METTL5: variants seen among roughly 807,000 people sequenced by gnomAD.
The protein encoded by METTL5 is rRNA N(6)-adenosine-methyltransferase METTL5.
Under a neutral mutation model 26.5 loss-of-function variants are expected in METTL5, and 28 were observed. The observed-to-expected ratio is 1.06, with a 90% CI of 0.78 to 1.45. The LOEUF (loss-of-function observed/expected upper bound fraction) is 1.45, where lower values mean the gene tolerates loss of function less well. Ranked by LOEUF, METTL5 falls within the 40% of genes most tolerant of loss-of-function variation. METTL5 has a pLI of 0.00. For missense variants in METTL5, 231 were observed against 249.9 expected, an observed-to-expected ratio of 0.92 and a Z score of 0.51; for synonymous variants, 86 against 82.6, an observed-to-expected ratio of 1.04 and a Z score of -0.22.
chr2:169,824,456 G>C (rs2081625497), intron 1 of METTL5, 33 bp downstream of exon 1: 1 of 1,492,186 alleles, frequency 6.7e-7, no homozygotes, highest in Admixed American at 1.7e-5. Flanking sequence ...GACTAACGCC[G>C]AAAGCCGGGG....
Position 169,824,519 on chromosome 2 carries a change from C to G in METTL5, c.79G>C (p.Glu27Gln), listed in dbSNP as rs1363978569. 3.7e-6 allele frequency: 6 copies of G among 1,614,066 alleles called. No homozygotes were observed. The highest frequency in any genetic ancestry group is 5.1e-6 in the Non-Finnish European group (6 of 1,180,030). The part of the protein sequence containing the change: ...DGFEKPKLLL[E>Q]QYPTRPHIAA... The stretch of plus-strand genomic sequence containing the variant: ...ATGTGCGGCCTGGTAGGATACTGTT[C>G]CAGAAGTAGCTTGGGCTTTTCAAAT... The change falls in exon 1 of 7, where the codon GAA becomes CAA. Residue 27 changes from glutamate (E) to glutamine (Q), a missense_variant. Physicochemically the swap from Glu to Gln is conservative, Grantham distance 29. Coordinates refer to ENST00000260953, the MANE Select transcript of METTL5 (RefSeq NM_014168.4).
intron 6 of METTL5, chr2:169,812,195 A>G (rs1044191069): frequency 6.7e-6 from 4 of 593,934 alleles, no homozygotes; most frequent in African/African-American, 3.7e-5. Flanking sequence ...ATATTTACAC[A>G]GGAAAGTTGG....
intron 5 of METTL5, among the ~76,000 whole-genome samples, chr2:169,813,407 G>A (rs1244967622): frequency 6.6e-6 from 1 of 151,558 alleles, no homozygotes; most frequent in African/African-American, 2.4e-5. Context: ...GGGATTACAG[G>A]TGTCAGCCAC....
chr2:169,817,978 CT>C (rs1228004307), intron 4 of METTL5, among the ~76,000 whole-genome samples: 8 of 152,132 alleles, frequency 5.3e-5, no homozygotes. Context: ...GCTGCTTATC[CT>C]TAGAAAGGCC....
At chr2:169,824,340 G>A (rs2081623944) in intron 1 of METTL5, 149 bp downstream of exon 1, 1 of 638,090 alleles carries the variant, frequency 1.6e-6, no homozygotes, top group Non-Finnish European at 2.8e-6. Flanking sequence ...TTGAGCTGCA[G>A]TGTCAAGGAA....
chr2:169,812,539 G>A (rs749736994), intron 5 of METTL5, 33 bp from the exon 6 acceptor site: 1 of 1,607,780 alleles, frequency 6.2e-7, no homozygotes, highest in Non-Finnish European at 8.5e-7. Context: ...GGATAAAATT[G>A]TATTTCCAAG....
chr2:169,811,941 TTG>T lies in METTL5; in HGVS notation c.592-85_592-84del, dbSNP rs543484643. The T allele has an allele frequency of 1.8e-4, 258 of 1,459,086 alleles. No individual in the cohort carries two copies. The South Asian group carries it at 2.8e-3, about 16-fold the overall frequency. The allele number at this position is 1,459,086 out of a possible 1,614,324, so 90.4% of individuals were successfully genotyped here. A position where few individuals can be genotyped will look rare whatever the true frequency, so the allele number is the denominator to read the frequency against. ...GATTTCTTTGAATGTATTGTTCTGT[TTG>T]TGTTATTTCAGATGATTCAAATATC... On this transcript the variant is annotated intron_variant, in intron 6 of 6. Coordinates refer to ENST00000260953, the MANE Select transcript of METTL5 (RefSeq NM_014168.4).
intron 5 of METTL5, among the ~76,000 whole-genome samples, chr2:169,813,688 C>T (rs1280837227): frequency 6.6e-6 from 1 of 150,904 alleles, no homozygotes; most frequent in Non-Finnish European, 1.5e-5. Flanking sequence ...AACCTCATCT[C>T]TACTAAAAAT....
chr2:169,811,968 C>G, intron 6 of METTL5, 110 bp from the exon 7 acceptor site: 1 of 1,252,980 alleles, frequency 8.0e-7, no homozygotes, highest in Non-Finnish European at 1.1e-6. Flanking sequence ...ATTCAAATAT[C>G]AAAAGGAAGA....
chr2:169,812,210 A>T (rs1689986538), intron 6 of METTL5: 1 of 617,916 alleles, frequency 1.6e-6, no homozygotes, highest in East Asian at 3.1e-5. Flanking sequence ...AGTTGGTAAC[A>T]CTAGAAATAA....
chr2:169,815,072 T>C lies in METTL5; in HGVS notation c.541+405A>G, dbSNP rs1233993534. The stretch of plus-strand genomic sequence containing the variant: ...ATGCCTGGCTAATTTTTTATATTTT[T>C]AGTAGAGATGGGGTTTCACCATGTT... On this transcript the variant is annotated intron_variant, in intron 5 of 6. Coordinates refer to ENST00000260953, the MANE Select transcript of METTL5 (RefSeq NM_014168.4). Among the ~76,000 whole-genome samples the C allele has an allele frequency of 2.6e-5, 4 of 152,120 alleles. No individual in the cohort carries two copies. The East Asian group carries it at 7.7e-4, about 29-fold the overall frequency.
chr2:169,812,301 G>A, intron 6 of METTL5, 156 bp downstream of exon 6: 1 of 1,230,976 alleles, frequency 8.1e-7, no homozygotes, highest in South Asian at 1.2e-5. Flanking sequence ...AGTTCAGTGG[G>A]GCAATCTCAG....
chr2:169,812,633 T>C, intron 5 of METTL5, 127 bp from the exon 6 acceptor site: 1 of 1,012,554 alleles, frequency 9.9e-7, no homozygotes, highest in South Asian at 1.7e-5. Context: ...TTTTAGAACC[T>C]TTAACTTATC....
chr2:169,824,576 C>G lies in METTL5; in HGVS notation c.22G>C (p.Glu8Gln). The part of the protein sequence containing the change: MKKVRLK[E>Q]LESRLQQVDG... ...ACTTGTTGCAGGCGACTCTCTAGTT[C>G]CTTAAGCCTTACTTTCTTCATTTTG... Residue 8 changes from glutamate (E) to glutamine (Q), a missense_variant, in exon 1 of 7, where the codon GAA becomes CAA. Glu to Gln is a conservative substitution (Grantham distance 29). Coordinates refer to ENST00000260953, the MANE Select transcript of METTL5 (RefSeq NM_014168.4). 1 of 1,614,022 alleles carries G rather than the reference C, an allele frequency of 6.2e-7. No individual in the cohort carries two copies. The highest frequency in any genetic ancestry group is 8.5e-7 in the Non-Finnish European group (1 of 1,179,874).
chr2:169,822,340 G>A (rs2081596479), intron 1 of METTL5, among the ~76,000 whole-genome samples: 1 of 152,142 alleles, frequency 6.6e-6, no homozygotes, highest in African/African-American at 2.4e-5. Flanking sequence ...ATAAAAAAAA[G>A]TCAAAACGTT....
intron 1 of METTL5, among the ~76,000 whole-genome samples, chr2:169,823,532 C>G (rs2081611510): frequency 1.3e-5 from 2 of 152,236 alleles, no homozygotes; most frequent in Admixed American, 6.5e-5. Context: ...ATTAATTTTC[C>G]TAAGGAGCCA....
chr2:169,821,117 A>G lies in METTL5; in HGVS notation c.381T>C (p.Pro127=). 1.2e-6 allele frequency: 2 copies of G among 1,601,018 alleles called. No individual in the cohort carries two copies. The highest frequency in any genetic ancestry group is 1.7e-6 in the Non-Finnish European group (2 of 1,175,708). Residue 127 remains proline (P), a synonymous_variant, in exon 3 of 7, where the codon CCT becomes CCC. Transcript: ENST00000260953. Reference sequence around the variant, plus strand: ...CTTTATTATTTTTGGTCCCAAAGGGAGGATTCATAATTACTGTATCGAATG... The same window carrying G: ...CTTTATTATTTTTGGTCCCAAAGGGGGGATTCATAATTACTGTATCGAATG... ...SKSFDTVIMN[P]PFGTKNNKGT...
At chr2:169,814,242 CT>C (rs1690071532) in intron 5 of METTL5, among the ~76,000 whole-genome samples, 1 of 151,818 alleles carries the variant, frequency 6.6e-6, no homozygotes, top group South Asian at 2.1e-4. Context: ...AATCCCAGCA[CT>C]TTGGGAGGCC....
chr2:169,821,905 C>G, intron 2 of METTL5, 38 bp downstream of exon 2: 1 of 1,585,386 alleles, frequency 6.3e-7, no homozygotes, highest in Non-Finnish European at 8.6e-7. Context: ...CTTATTAAAG[C>G]CACCCAATAC....
Sources: gnomAD v4.1 joint callset for allele counts (sites outside exome capture counted in the v4.1 genomes callset) on GRCh38, gnomAD v4.1.1 for gene constraint, MANE v1.5 for transcripts, NCBI Gene and HGNC (gene_info 2026-07-23, HGNC 2026-07-21) for gene names.